The following GBF1 variants were observed in gnomAD, a reference collection of about 807,000 sequenced individuals.
GBF1 encodes golgi brefeldin A resistant guanine nucleotide exchange factor 1, also known as Golgi-specific brefeldin A-resistance guanine nucleotide exchange factor 1.
GBF1 carries 114 observed loss-of-function variants against 210.5 expected under a neutral mutation model. That is an observed-to-expected ratio of 0.54 (90% CI 0.47 to 0.63). GBF1 has a LOEUF of 0.63. Among genes scored for constraint, GBF1 ranks in the 30% least tolerant of loss-of-function variants. GBF1 has a pLI of 0.00. For synonymous variants in GBF1, 850 were observed against 889.2 expected, an observed-to-expected ratio of 0.96 and a Z score of 0.78; for missense variants, 1,851 against 2,357.7, an observed-to-expected ratio of 0.79 and a Z score of 4.45.
chr10:102,259,453 G>T (rs563225326), intron 2 of GBF1, among the ~76,000 whole-genome samples: 1 of 152,222 alleles, frequency 6.6e-6, no homozygotes, highest in South Asian at 2.1e-4. Context: ...TCCATATATA[G>T]AGTAGGCCAT....
chr10:102,366,584 C>CA lies in GBF1; in HGVS notation c.2433+78_2433+79insA. 1.6e-6 allele frequency: 1 copy of CA among 642,342 alleles called. No individual in the cohort carries two copies. The highest frequency in any genetic ancestry group is 2.3e-6 in the Non-Finnish European group (1 of 429,244). 39.8% of individuals were successfully genotyped at this position (642,342 alleles called of 1,614,324 possible). ...GGGCTGAAGAATCCAGCTGCTGTCTCTTTTTTTTTTTTTTTTTTTTGAGAC... is the reference window on the plus strand; with the variant it reads ...GGGCTGAAGAATCCAGCTGCTGTCTCATTTTTTTTTTTTTTTTTTTTGAGAC... On this transcript the variant is annotated intron_variant, in intron 19 of 39. Coordinates refer to ENST00000369983, the MANE Select transcript of GBF1 (RefSeq NM_001377137.1). The surrounding 1 kb of genome is among the most constrained non-coding windows in gnomAD (Gnocchi z 4.0).
intron 39 of GBF1, 115 bp from the exon 40 acceptor site, chr10:102,381,940 TG>T: frequency 1.3e-6 from 1 of 794,620 alleles, no homozygotes; most frequent in Non-Finnish European, 1.9e-6. Flanking sequence ...TGGGGGGCCG[TG>T]TTGCTTACTG....
At chr10:102,267,082 C>T (rs563404688) in intron 3 of GBF1, among the ~76,000 whole-genome samples, 3 of 152,224 alleles carry the variant, frequency 2.0e-5, no homozygotes, top group Admixed American at 1.3e-4. Context: ...TAGCAGTAGC[C>T]GCTTAGGTAG....
rs1174664728 is a variant in GBF1 at position 102,376,296 on chromosome 10, C to T, written c.3911C>T (p.Pro1304Leu). Residue 1304 changes from proline to leucine, a missense_variant, in exon 31 of 40, where the codon CCA (proline) becomes CTA (leucine). Coordinates refer to ENST00000369983, the MANE Select transcript of GBF1 (RefSeq NM_001377137.1). ...DAGAQSDSEL[P>L]SYHQNDVSLD... ...GGGGCCCAGTCAGATAGTGAGCTCC[C>T]ATCCTACCATCAGAATGACGTGAGC... 2 of 1,613,962 alleles carry T rather than the reference C, an allele frequency of 1.2e-6. No homozygotes were observed. Among genetic ancestry groups the T allele is most frequent in the Non-Finnish European group, 1.7e-6 (2 of 1,179,974 alleles).
the GBF1 span, among the ~76,000 whole-genome samples, chr10:102,239,358 A>C: frequency 6.6e-6 from 1 of 152,212 alleles, no homozygotes; most frequent in South Asian, 2.1e-4. Flanking sequence ...TCTTCAGGGA[A>C]CCATCTGTAA....
chr10:102,234,358 G>A, the GBF1 span, among the ~76,000 whole-genome samples: 19 of 152,148 alleles, frequency 1.2e-4, no homozygotes, highest in Non-Finnish European at 2.5e-4. Context: ...CAGGCAGAGG[G>A]GTCTAGATCT....
rs1403574849 is a variant in GBF1, at chr10:102,375,455, A to G, written c.3757A>G (p.Thr1253Ala). ...VAYGLHELLK[T>A]NAANIHSGDD... ...GTATGGGCTCCATGAACTCCTGAAG[A>G]CCAATGCAGCCAACATCCACTCAGG... Residue 1253 changes from threonine (T) to alanine (A), a missense_variant, in exon 30 of 40, where the codon ACC becomes GCC. By Grantham distance (58) the Thr-to-Ala change is moderately conservative. Coordinates refer to ENST00000369983, the MANE Select transcript of GBF1 (RefSeq NM_001377137.1). 1.2e-6 allele frequency: 2 copies of G among 1,613,032 alleles called. No individual in the cohort carries two copies. Among genetic ancestry groups the G allele is most frequent in the Non-Finnish European group, 1.7e-6 (2 of 1,179,020 alleles).
At chr10:102,293,550 T>C (rs1481973237) in intron 3 of GBF1, among the ~76,000 whole-genome samples, 2 of 151,924 alleles carry the variant, frequency 1.3e-5, no homozygotes, top group Admixed American at 1.3e-4. Context: ...GCTTCATGGG[T>C]GTTATTGCCC....
the GBF1 span, chr10:102,231,070 C>T: frequency 6.4e-7 from 1 of 1,564,834 alleles, no homozygotes; most frequent in Non-Finnish European, 8.6e-7. Context: ...CTCGCGCTTC[C>T]GCCATTTGGC....
At chr10:102,235,272 G>C in the GBF1 span, among the ~76,000 whole-genome samples, 1 of 151,300 alleles carries the variant, frequency 6.6e-6, no homozygotes, top group Non-Finnish European at 1.5e-5. Context: ...CAAGGGGCCA[G>C]GGGAGTGTTC....
chr10:102,349,132 G>C (rs1589730847), intron 4 of GBF1, among the ~76,000 whole-genome samples: 1 of 152,040 alleles, frequency 6.6e-6, no homozygotes, highest in African/African-American at 2.4e-5. Context: ...CTGGGCGATA[G>C]AGCAAGACCC....
rs1441793316 is a variant in GBF1 at position 102,358,179 on chromosome 10, C to A, written c.780C>A (p.Asn260Lys). The change falls in exon 9 of 40, where the codon AAC (asparagine) becomes AAA (lysine). Residue 260 changes from asparagine (N) to lysine (K), a missense_variant. Around this residue, in one of 3 missense-constraint regions of GBF1, gnomAD observed 804 missense variants for 958.6 expected, o/e 0.84. Coordinates refer to ENST00000369983, the MANE Select transcript of GBF1 (RefSeq NM_001377137.1). ...CCAATGGAACCACCTTATCATCTAA[C>A]CTCACTGGTGAGTGCCCTGGACTAC... is the stretch of plus-strand genomic sequence containing the variant. ...PTPNGTTLSS[N>K]LTGGMPFIDV... is the part of the protein sequence containing the mutation. 1 of 1,613,450 alleles carries A rather than the reference C, an allele frequency of 6.2e-7. No individual in the cohort carries two copies. The highest frequency in any genetic ancestry group is 1.3e-5 in the African/African-American group (1 of 74,994).
rs1193466413 is a variant in GBF1 at position 102,360,415 on chromosome 10, G to C, written c.1392+20G>C. ...TTCCAGGTAAGACAAGATTGCTAGA[G>C]GGTCTCAGAGCCTCTTTCAAGGGCC... On this transcript the variant is annotated intron_variant, in intron 12 of 39. Transcript: ENST00000369983. 13 of 1,514,382 alleles carry C rather than the reference G, an allele frequency of 8.6e-6. No homozygotes were observed. In the Admixed American group the frequency reaches 1.2e-4, roughly 14 times the overall value. 93.8% of individuals were successfully genotyped at this position (1,514,382 alleles called of 1,614,324 possible). A position where few individuals can be genotyped will look rare whatever the true frequency, so the allele number is the denominator to read the frequency against.
At position 102,363,806 on chromosome 10, in the gene GBF1, C is replaced by T; in HGVS notation, c.2106+8C>T. 1 of 1,497,740 alleles carries T rather than the reference C, an allele frequency of 6.7e-7. No homozygotes were observed. The allele number at this position is 1,497,740 out of a possible 1,614,324, so 92.8% of individuals were successfully genotyped here. A position where few individuals can be genotyped will look rare whatever the true frequency, so the allele number is the denominator to read the frequency against. ...ATTAAAAACAAAAAGAAGGTACATA[C>T]ATGTATTCCCCAGCCTCTGTCCACC... On this transcript the variant is annotated splice_region_variant and intron_variant, in intron 17 of 39. Coordinates refer to ENST00000369983, the MANE Select transcript of GBF1 (RefSeq NM_001377137.1). This position sits in a 1 kb window ranked among gnomAD's most constrained non-coding sequence, Gnocchi z 4.2.
chr10:102,293,547 G>A (rs2076612474), intron 3 of GBF1, among the ~76,000 whole-genome samples: 1 of 152,026 alleles, frequency 6.6e-6, no homozygotes, highest in Admixed American at 6.6e-5. Flanking sequence ...ACAGCTTCAT[G>A]GGTGTTATTG....
chr10:102,368,193 T>C (rs375699353), intron 21 of GBF1, 25 bp from the exon 22 acceptor site: 3 of 1,503,188 alleles, frequency 2.0e-6, no homozygotes, highest in Non-Finnish European at 1.9e-6. Context: ...GCAGTGCAAC[T>C]GCTCCTTCCC....
intron 3 of GBF1, among the ~76,000 whole-genome samples, chr10:102,337,298 T>TACGA (rs57423138): frequency 6.7e-6 from 1 of 150,080 alleles, no homozygotes; most frequent in Non-Finnish European, 1.5e-5. Context: ...GAATGGTGCG[T>TACGA]GGGGGAGCTT....
In GBF1 at chr10:102,316,126, G is replaced by A. The variant is rs549146393; in HGVS notation, c.164-27925G>A. 6.1e-5 allele frequency among the ~76,000 whole-genome samples: 8 copies of A among 131,288 alleles called. No homozygotes were observed. In the South Asian group the frequency reaches 1.2e-3, roughly 19 times the overall value. 86.1% of individuals were successfully genotyped at this position (131,288 alleles called of 152,430 possible). A position where few individuals can be genotyped will look rare whatever the true frequency, so the allele number is the denominator to read the frequency against. The stretch of plus-strand genomic sequence containing the variant: ...TTTTGAGATGGAGTCTCACTCTGTC[G>A]CCCAAGCTGGAGTGCAGTGGTGCAA... On this transcript the variant is annotated intron_variant, in intron 3 of 39. Coordinates refer to ENST00000369983, the MANE Select transcript of GBF1 (RefSeq NM_001377137.1).
At chr10:102,329,413 G>T (rs2057155814) in intron 3 of GBF1, among the ~76,000 whole-genome samples, 1 of 152,166 alleles carries the variant, frequency 6.6e-6, no homozygotes, top group African/African-American at 2.4e-5. Flanking sequence ...TTAGGAGAAG[G>T]AGAGGTGCAG....
Sources: gnomAD v4.1 joint callset for allele counts (sites outside exome capture counted in the v4.1 genomes callset) on GRCh38, gnomAD v4.1.1 for gene constraint, gnomAD v4.1.1 regional missense constraint, Gnocchi (gnomAD v3.1) non-coding constraint, MANE v1.5 for transcripts, NCBI Gene and HGNC (gene_info 2026-07-23, HGNC 2026-07-21) for gene names.